The following MBNL2 variants were observed in gnomAD, a reference collection of about 807,000 sequenced individuals.
The protein encoded by MBNL2 is muscleblind-like protein 2.
MBNL2 carries 17 observed loss-of-function variants against 41.9 expected under a neutral mutation model. The ratio of observed to expected loss-of-function variants is 0.41; its 90% CI spans 0.28 to 0.61. MBNL2 has a LOEUF of 0.61. Among genes scored for constraint, MBNL2 ranks in the 20% least tolerant of loss-of-function variants. The probability of loss-of-function intolerance (pLI) is 0.35; values close to 1 mark genes in which losing one functional copy is unlikely to be tolerated. For synonymous variants in MBNL2, 195 were observed against 182.9 expected (o/e 1.07, Z -0.53); for missense variants, 336 against 505.6 (o/e 0.66, Z 3.22).
intron 5 of MBNL2, among the ~76,000 whole-genome samples, chr13:97,353,787 A>C (rs1304601117): frequency 6.6e-6 from 1 of 152,214 alleles, no homozygotes; most frequent in Non-Finnish European, 1.5e-5. Context: ...GAATGACACA[A>C]GGAAAGAACC....
At chr13:97,299,157 AG>A (rs2057356202) in intron 2 of MBNL2, among the ~76,000 whole-genome samples, 1 of 152,198 alleles carries the variant, frequency 6.6e-6, no homozygotes, top group African/African-American at 2.4e-5. Flanking sequence ...GGTTTTTGTT[AG>A]TACTAGATTC....
At chr13:97,184,165 C>G in the MBNL2 span, among the ~76,000 whole-genome samples, 34 of 152,160 alleles carry the variant, frequency 2.2e-4, no homozygotes, top group African/African-American at 8.0e-4. Flanking sequence ...TTCTCACATT[C>G]ATTCTGCTAC....
intron 1 of MBNL2, among the ~76,000 whole-genome samples, chr13:97,229,043 C>T (rs559777257): frequency 2.5e-4 from 38 of 150,084 alleles, no homozygotes; most frequent in African/African-American, 6.4e-4. Context: ...ATGGATGTTG[C>T]GTAATTGAGT....
chr13:97,198,774 T>C, the MBNL2 span, among the ~76,000 whole-genome samples: 2 of 152,084 alleles, frequency 1.3e-5, no homozygotes, highest in East Asian at 1.9e-4. Context: ...GAAAGACCCA[T>C]TGAATCTATC....
intron 1 of MBNL2, among the ~76,000 whole-genome samples, chr13:97,273,723 G>T (rs2051563134): frequency 6.6e-6 from 1 of 152,132 alleles, no homozygotes; most frequent in African/African-American, 2.4e-5. Context: ...CACCATTGAG[G>T]CTTCTCCCTT....
At chr13:97,225,095 G>C (rs2041398435) in intron 1 of MBNL2, among the ~76,000 whole-genome samples, 1 of 152,220 alleles carries the variant, frequency 6.6e-6, no homozygotes, top group African/African-American at 2.4e-5. Context: ...CCTTCTCTCT[G>C]CTAGTTGTTT....
chr13:97,277,449 A>G (rs2052393382), intron 2 of MBNL2, among the ~76,000 whole-genome samples: 1 of 152,224 alleles, frequency 6.6e-6, no homozygotes, highest in Non-Finnish European at 1.5e-5. Flanking sequence ...TTGAGAAATT[A>G]TAGAGCTGTT....
Position 97,346,789 on chromosome 13 carries a change from T to A in MBNL2, c.541-15T>A. On this transcript the variant is annotated splice_polypyrimidine_tract_variant and intron_variant, in intron 4 of 8. Coordinates refer to ENST00000679496, the MANE Select transcript of MBNL2 (RefSeq NM_001382683.1). This position sits in a 1 kb window ranked among gnomAD's most constrained non-coding sequence, Gnocchi z 4.2. The stretch of plus-strand genomic sequence containing the variant: ...AGGCTTGCCTCTGCAGCGCGGCTCT[T>A]CTTCCCTGTCTTAGGTATGCAGGGA... The A allele has an allele frequency of 6.2e-7, 1 of 1,612,492 alleles. No individual in the cohort carries two copies. The highest frequency in any genetic ancestry group is 8.5e-7 in the Non-Finnish European group (1 of 1,178,950).
chr13:97,383,342 C>T lies in MBNL2; in HGVS notation c.1049-7980C>T, dbSNP rs1003217223. 3.3e-5 allele frequency among the ~76,000 whole-genome samples: 5 copies of T among 152,142 alleles called. 1 individual carries two copies. Among genetic ancestry groups the T allele is most frequent in the African/African-American group, 1.2e-4 (5 of 41,426 alleles). On this transcript the variant is annotated intron_variant, in intron 8 of 8. Transcript: ENST00000679496. ...GAATCTTATTCAAAGTTGAGCATTC[C>T]CGTTTATGAATTTTATCCAGATACT...
At chr13:97,342,560 C>G (rs144588324) in intron 3 of MBNL2, among the ~76,000 whole-genome samples, 346 of 152,286 alleles carry the variant, frequency 2.3e-3, no homozygotes, top group African/African-American at 8.1e-3. Flanking sequence ...AGTAACCCCA[C>G]TGTTTGAGAA....
At chr13:97,322,269 T>C (rs1490965716) in intron 2 of MBNL2, among the ~76,000 whole-genome samples, 4 of 152,146 alleles carry the variant, frequency 2.6e-5, no homozygotes, top group Non-Finnish European at 4.4e-5. Flanking sequence ...ATGCCCTCCA[T>C]CTTCCCAGGC....
At chr13:97,324,104 A>G (rs1305275648) in intron 2 of MBNL2, among the ~76,000 whole-genome samples, 3 of 151,770 alleles carry the variant, frequency 2.0e-5, no homozygotes, top group Admixed American at 2.0e-4. Context: ...CTTCCTCCCC[A>G]CTCTCAACTA....
intron 2 of MBNL2, among the ~76,000 whole-genome samples, chr13:97,277,539 T>TA (rs1157472952): frequency 1.1e-4 from 17 of 152,138 alleles, no homozygotes; most frequent in African/African-American, 4.1e-4. Flanking sequence ...TTGTCTTAAG[T>TA]AAAAAATTAT....
chr13:97,379,751 TG>T (rs1225676229), intron 8 of MBNL2, among the ~76,000 whole-genome samples: 1 of 151,898 alleles, frequency 6.6e-6, no homozygotes, highest in Non-Finnish European at 1.5e-5. Context: ...GAAAGGGGGA[TG>T]TGGAGTTATT....
intron 2 of MBNL2, among the ~76,000 whole-genome samples, chr13:97,318,811 A>C (rs2059264913): frequency 6.6e-6 from 1 of 152,152 alleles, no homozygotes. Flanking sequence ...GCTGAATTTG[A>C]CCAGAAGAGA....
rs1351444383 is a variant in MBNL2, at chr13:97,334,135, T to TGC, written c.175-134_175-133dup. ...CTTTTCCCCAACAAACACATGAGCA[T>TGC]GCGCGCGCACACCCACACACACACA... On this transcript the variant is annotated intron_variant, in intron 2 of 8. Transcript: ENST00000679496. This position sits in a 1 kb window ranked among gnomAD's most constrained non-coding sequence, Gnocchi z 5.3. 2.2e-6 allele frequency: 1 copy of TGC among 449,438 alleles called. No homozygotes were observed. Among genetic ancestry groups the TGC allele is most frequent in the African/African-American group, 2.7e-5 (1 of 36,966 alleles). The allele number at this position is 449,438 out of a possible 1,614,324, so 27.8% of individuals were successfully genotyped here.
At chr13:97,304,897 C>T (rs2153007824) in intron 2 of MBNL2, among the ~76,000 whole-genome samples, 1 of 152,232 alleles carries the variant, frequency 6.6e-6, no homozygotes, top group Non-Finnish European at 1.5e-5. Flanking sequence ...GGAGGGATAC[C>T]AGCTCTGCCT....
intron 7 of MBNL2, among the ~76,000 whole-genome samples, chr13:97,362,559 A>G (rs1008135949): frequency 1.3e-5 from 2 of 152,144 alleles, no homozygotes; most frequent in African/African-American, 4.8e-5. Flanking sequence ...AGAAAAATTA[A>G]TCTGTCTGGA....
chr13:97,148,769 A>T, the MBNL2 span, among the ~76,000 whole-genome samples: 9 of 152,198 alleles, frequency 5.9e-5, no homozygotes, highest in African/African-American at 2.2e-4. Context: ...GAGTTAGTGA[A>T]TGTCGTTCAT....
Sources: gnomAD v4.1 joint callset for allele counts (sites outside exome capture counted in the v4.1 genomes callset) on GRCh38, gnomAD v4.1.1 for gene constraint, Gnocchi (gnomAD v3.1) non-coding constraint, MANE v1.5 for transcripts, NCBI Gene and HGNC (gene_info 2026-07-23, HGNC 2026-07-21) for gene names.